C8orf34: variants seen among roughly 807,000 people sequenced by gnomAD.
The protein encoded by C8orf34 is chromosome 8 open reading frame 34, also known as uncharacterized protein C8orf34.
In C8orf34, 65 loss-of-function variants were observed where a neutral mutation model predicts 68.3. The observed-to-expected ratio is 0.95, with a 90% confidence interval of 0.78 to 1.17. The LOEUF is 1.17. C8orf34 is among the 50% of genes most tolerant of loss of function. The probability of loss-of-function intolerance (pLI) is 0.00; values close to 1 mark genes in which losing one functional copy is unlikely to be tolerated. For synonymous variants in C8orf34, 244 were observed against 241.2 expected (o/e 1.01, Z -0.11); for missense variants, 664 against 655.4 (o/e 1.01, Z -0.14).
chr8:68,705,843 A>C (rs1821148734), intron 8 of C8orf34, among the ~76,000 whole-genome samples: 1 of 152,186 alleles, frequency 6.6e-6, no homozygotes, highest in Non-Finnish European at 1.5e-5. Flanking sequence ...TGGATAAAAT[A>C]GGTTGATGAG....
intron 10 of C8orf34, among the ~76,000 whole-genome samples, chr8:68,749,708 T>G (rs1012976800): frequency 6.6e-6 from 1 of 152,208 alleles, no homozygotes; most frequent in African/African-American, 2.4e-5. Flanking sequence ...ATATGTTATT[T>G]TAGGTCTGGC....
At position 68,416,897 on chromosome 8, in the gene C8orf34, A is replaced by AATT. The variant is rs553828414; in HGVS notation, c.328-22598_328-22596dup. On this transcript the variant is annotated intron_variant, in intron 1 of 13. Transcript: ENST00000518698. ...ATTTATTCACATAAACTTCTAAAACAATTATTTATAAATGTTCCTCCTTTG... is the reference window on the plus strand; with the variant it reads ...ATTTATTCACATAAACTTCTAAAACAATTATTATTTATAAATGTTCCTCCTTTG... Among the ~76,000 whole-genome samples, 13 of 152,176 alleles carry AATT rather than the reference A, an allele frequency of 8.5e-5. 1 individual carries two copies. The highest frequency in any genetic ancestry group is 3.1e-4 in the African/African-American group (13 of 41,530).
chr8:68,708,247 T>C (rs932022270), intron 8 of C8orf34, among the ~76,000 whole-genome samples: 1 of 152,204 alleles, frequency 6.6e-6, no homozygotes, highest in Non-Finnish European at 1.5e-5. Flanking sequence ...TTACATTGTT[T>C]GTAATTATAC....
chr8:68,768,389 G>T (rs114489446), intron 10 of C8orf34, among the ~76,000 whole-genome samples: 1,634 of 152,260 alleles, frequency 0.011, 38 homozygotes, highest in African/African-American at 0.037. Flanking sequence ...CTGGTCCCCA[G>T]GGCTGCTCAT....
At chr8:68,487,773 T>A (rs1029054309) in intron 4 of C8orf34, among the ~76,000 whole-genome samples, 1 of 152,232 alleles carries the variant, frequency 6.6e-6, no homozygotes, top group Non-Finnish European at 1.5e-5. Flanking sequence ...CTGCAAGGAA[T>A]ATGGCGCTGC....
intron 7 of C8orf34, among the ~76,000 whole-genome samples, chr8:68,637,667 A>C (rs749474097): frequency 2.4e-4 from 36 of 152,184 alleles, no homozygotes; most frequent in Admixed American, 9.2e-4. Flanking sequence ...CCTCCTATGA[A>C]GGCTGTTGAA....
chr8:68,510,261 T>A (rs7840898), intron 5 of C8orf34, among the ~76,000 whole-genome samples: 4 of 152,070 alleles, frequency 2.6e-5, no homozygotes, highest in African/African-American at 9.7e-5. Context: ...TCTTATGATA[T>A]ACCCAGAAAA....
intron 6 of C8orf34, among the ~76,000 whole-genome samples, chr8:68,527,611 C>T (rs542781974): frequency 1.3e-5 from 2 of 152,172 alleles, no homozygotes; most frequent in African/African-American, 2.4e-5. Flanking sequence ...GAAACTAAGT[C>T]CCAGAGTGGC....
chr8:68,745,302 G>A (rs899023950), intron 10 of C8orf34, among the ~76,000 whole-genome samples: 17 of 152,048 alleles, frequency 1.1e-4, no homozygotes, highest in African/African-American at 3.4e-4. Flanking sequence ...AAAGACCATC[G>A]AGACTAGGAA....
At chr8:68,574,159 TTAA>T (rs1297597062) in intron 7 of C8orf34, among the ~76,000 whole-genome samples, 3 of 152,114 alleles carry the variant, frequency 2.0e-5, no homozygotes, top group Admixed American at 6.6e-5. Context: ...ACTCAATTTT[TTAA>T]TAATATTAGC....
intron 1 of C8orf34, among the ~76,000 whole-genome samples, chr8:68,390,769 C>T (rs1808448552): frequency 6.6e-6 from 1 of 152,098 alleles, no homozygotes; most frequent in Non-Finnish European, 1.5e-5. Context: ...TCAGGGTTCT[C>T]CAGAGAAACA....
intron 1 of C8orf34, among the ~76,000 whole-genome samples, chr8:68,384,438 G>A (rs539547233): frequency 1.3e-5 from 2 of 152,122 alleles, no homozygotes; most frequent in East Asian, 3.9e-4. Context: ...TCTGCTTCTG[G>A]GTCTGCGCTT....
At chr8:68,585,097 T>C (rs961614184) in intron 7 of C8orf34, among the ~76,000 whole-genome samples, 2 of 152,186 alleles carry the variant, frequency 1.3e-5, no homozygotes, top group Non-Finnish European at 2.9e-5. Flanking sequence ...TAAAATTCTG[T>C]CACTGAATGC....
chr8:68,361,283 T>G (rs1428715470), intron 1 of C8orf34, among the ~76,000 whole-genome samples: 1 of 152,198 alleles, frequency 6.6e-6, no homozygotes, highest in African/African-American at 2.4e-5. Flanking sequence ...TGGAAAGCAC[T>G]GAAGGGTTGC....
intron 12 of C8orf34, among the ~76,000 whole-genome samples, chr8:68,811,895 T>C (rs1824662881): frequency 6.6e-6 from 1 of 152,164 alleles, no homozygotes; most frequent in Non-Finnish European, 1.5e-5. Context: ...GCAATTTAAA[T>C]TCGAATCTAA....
intron 8 of C8orf34, among the ~76,000 whole-genome samples, chr8:68,642,719 G>A (rs1819048709): frequency 6.6e-6 from 1 of 152,146 alleles, no homozygotes; most frequent in Admixed American, 6.5e-5. Flanking sequence ...GTTGCTCCAG[G>A]GAGGGCCTCC....
At chr8:68,678,951 A>T (rs1211317332) in intron 8 of C8orf34, among the ~76,000 whole-genome samples, 1 of 152,006 alleles carries the variant, frequency 6.6e-6, no homozygotes, top group Non-Finnish European at 1.5e-5. Context: ...TTGCATTTCT[A>T]TGGGCCTGTG....
intron 1 of C8orf34, among the ~76,000 whole-genome samples, chr8:68,358,033 T>C (rs1052454066): frequency 2.6e-5 from 4 of 152,186 alleles, no homozygotes; most frequent in African/African-American, 9.7e-5. Context: ...TGTTTATTTA[T>C]GCTATTTGAA....
intron 7 of C8orf34, among the ~76,000 whole-genome samples, chr8:68,636,308 G>A (rs986386699): frequency 6.6e-6 from 1 of 152,062 alleles, no homozygotes. Context: ...AGGTGCAGTG[G>A]CTCACGCCTA....
Sources: allele counts gnomAD v4.1 joint callset (sites outside exome capture counted in the v4.1 genomes callset), GRCh38; gene constraint gnomAD v4.1.1; transcripts MANE v1.5; gene names NCBI Gene and HGNC (gene_info 2026-07-23, HGNC 2026-07-21).